LAMB1: variants seen among roughly 807,000 people sequenced by gnomAD.
LAMB1 encodes laminin subunit beta 1.
In LAMB1, 121 loss-of-function variants were observed where a neutral mutation model predicts 222.3. That is an observed-to-expected ratio of 0.54 (90% CI 0.47 to 0.63). The LOEUF (loss-of-function observed/expected upper bound fraction) is 0.63, where lower values mean the gene tolerates loss of function less well. LAMB1 is among the 30% of genes least tolerant of loss of function. The probability of loss-of-function intolerance (pLI) is 0.00; values close to 1 mark genes in which losing one functional copy is unlikely to be tolerated. For missense variants in LAMB1, 2,172 were observed against 2,240.8 expected, an observed-to-expected ratio of 0.97 and a Z score of 0.62; for synonymous variants, 794 against 807.2, an observed-to-expected ratio of 0.98 and a Z score of 0.28.
At chr7:107,982,135 C>A (rs1049976858) in intron 7 of LAMB1, among the ~76,000 whole-genome samples, 1 of 152,178 alleles carries the variant, frequency 6.6e-6, no homozygotes, top group African/African-American at 2.4e-5. Context: ...AAATGCTGGG[C>A]TACCAATTCA....
chr7:107,999,318 T>C (rs2034339009), intron 3 of LAMB1, among the ~76,000 whole-genome samples: 1 of 152,220 alleles, frequency 6.6e-6, no homozygotes, highest in African/African-American at 2.4e-5. Flanking sequence ...ACAACAGAGC[T>C]TAATAGTTCT....
chr7:107,998,732 G>A (rs1216937330), intron 3 of LAMB1, among the ~76,000 whole-genome samples: 1 of 152,014 alleles, frequency 6.6e-6, no homozygotes, highest in African/African-American at 2.4e-5. Flanking sequence ...AGTAAAAGAG[G>A]GCATTGTTTC....
Position 107,928,683 on chromosome 7 carries a change from G to T in LAMB1, c.4887+381C>A, listed in dbSNP as rs139938938. Among the ~76,000 whole-genome samples, 177 of 152,200 alleles carry T rather than the reference G, an allele frequency of 1.2e-3. No individual in the cohort carries two copies. In the East Asian group the frequency reaches 0.032, roughly 27 times the overall value. ...AACTTTTGTATCTTTAGTAGAGAAG[G>T]GGTTTTGCCATGTTGGCCACGCTGG... On this transcript the variant is annotated intron_variant, in intron 31 of 33. Transcript: ENST00000222399.
rs556203005 is a variant in LAMB1 at position 107,959,708 on chromosome 7, C to A, written c.2441G>T (p.Gly814Val). The stretch of plus-strand genomic sequence containing the variant: ...GAACCTACGTTTGCATCCACTGGGG[C>A]CAAAGCCAAAAGTTCCAGGTGCACA... ...NRCAPGTFGF[G>V]PSGCKPCECH... The change falls in exon 19 of 34, where the codon GGC becomes GTC. Residue 814 changes from glycine to valine, a missense_variant. Coordinates refer to ENST00000222399, the MANE Select transcript of LAMB1 (RefSeq NM_002291.3). 1.2e-5 allele frequency: 19 copies of A among 1,614,202 alleles called. No homozygotes were observed. The South Asian group carries it at 1.9e-4, about 16-fold the overall frequency.
chr7:107,996,587 A>G (rs1380139969), intron 4 of LAMB1, among the ~76,000 whole-genome samples: 2 of 152,214 alleles, frequency 1.3e-5, no homozygotes, highest in African/African-American at 4.8e-5. Flanking sequence ...CTTTCTAAAG[A>G]CTAAGTTCCA....
chr7:107,988,779 T>C (rs757152974), intron 5 of LAMB1, among the ~76,000 whole-genome samples: 1 of 152,174 alleles, frequency 6.6e-6, no homozygotes, highest in Non-Finnish European at 1.5e-5. Flanking sequence ...GGGAAGACCA[T>C]GTGAAGACAC....
chr7:107,954,454 G>A (rs918353983), intron 21 of LAMB1, among the ~76,000 whole-genome samples: 2 of 151,098 alleles, frequency 1.3e-5, no homozygotes, highest in African/African-American at 2.4e-5. Context: ...ACAAGCATGA[G>A]CCACCACACC....
chr7:107,937,776 A>G (rs1239287990), intron 25 of LAMB1, among the ~76,000 whole-genome samples: 1 of 152,212 alleles, frequency 6.6e-6, no homozygotes, highest in Non-Finnish European at 1.5e-5. Flanking sequence ...AGGAGCCACC[A>G]GTATCAGCTT....
intron 13 of LAMB1, among the ~76,000 whole-genome samples, chr7:107,965,879 T>C (rs145081163): frequency 6.6e-6 from 1 of 152,122 alleles, no homozygotes; most frequent in African/African-American, 2.4e-5. Flanking sequence ...GGCAGGTGGA[T>C]CACTTGCAGG....
intron 20 of LAMB1, among the ~76,000 whole-genome samples, chr7:107,956,143 C>G (rs1480331214): frequency 6.6e-6 from 1 of 151,824 alleles, no homozygotes; most frequent in African/African-American, 2.4e-5. Flanking sequence ...GTGATCCACC[C>G]ACCTCAGCCT....
At chr7:108,001,460 T>A in intron 3 of LAMB1, 98 bp downstream of exon 3, 1 of 1,335,124 alleles carries the variant, frequency 7.5e-7, no homozygotes, top group Non-Finnish European at 1.0e-6. Context: ...GCTTCCTATC[T>A]GGATTGCTGG....
chr7:107,960,391 A>G, intron 18 of LAMB1, 54 bp downstream of exon 18: 2 of 1,393,308 alleles, frequency 1.4e-6, no homozygotes, highest in Non-Finnish European at 1.0e-6. Context: ...TTCATGTGCC[A>G]GATATACTCA....
At chr7:107,935,757 TAA>T (rs2032833765) in intron 26 of LAMB1, 101 bp from the exon 27 acceptor site, 1 of 1,284,186 alleles carries the variant, frequency 7.8e-7, no homozygotes, top group Non-Finnish European at 1.1e-6. Flanking sequence ...AAATTTACTG[TAA>T]AGTTTTAAAA....
intron 25 of LAMB1, among the ~76,000 whole-genome samples, chr7:107,937,727 A>G (rs1254255676): frequency 6.6e-6 from 1 of 152,234 alleles, no homozygotes; most frequent in East Asian, 1.9e-4. Context: ...AAGATGGAAC[A>G]TGCAGAGGGG....
intron 3 of LAMB1, among the ~76,000 whole-genome samples, chr7:108,001,015 T>C (rs1190837849): frequency 6.6e-6 from 1 of 152,218 alleles, no homozygotes. Flanking sequence ...GGTCTTCCTG[T>C]ATCAGGGTAC....
chr7:107,980,591 C>A lies in LAMB1; in HGVS notation c.879+18G>T, dbSNP rs763834838. 5 of 1,596,142 alleles carry A rather than the reference C, an allele frequency of 3.1e-6. No homozygotes were observed. Among genetic ancestry groups the A allele is most frequent in the African/African-American group, 1.3e-5 (1 of 74,540 alleles). On this transcript the variant is annotated intron_variant, in intron 8 of 33. Coordinates refer to ENST00000222399, the MANE Select transcript of LAMB1 (RefSeq NM_002291.3). The stretch of plus-strand genomic sequence containing the variant: ...ACCAGCCACATAAAGGAGAAAGGTG[C>A]ACAGAGGGCTTACTTACCATTCCTT...
rs764125109 is a variant in LAMB1, at chr7:107,975,648, T to A, written c.1189+41A>T. On this transcript the variant is annotated intron_variant, in intron 10 of 33. Coordinates refer to ENST00000222399, the MANE Select transcript of LAMB1 (RefSeq NM_002291.3). Reference sequence around the variant, plus strand: ...TGACTATTCAGTTTGGAAGGCAATCTGAAGTAGGTCCCACACAGTGAGTGA... The same window carrying A: ...TGACTATTCAGTTTGGAAGGCAATCAGAAGTAGGTCCCACACAGTGAGTGA... 3.9e-6 allele frequency: 6 copies of A among 1,556,862 alleles called. No homozygotes were observed. The East Asian group carries it at 1.4e-4, about 35-fold the overall frequency.
In LAMB1 at chr7:107,961,279, G is replaced by C; in HGVS notation, c.2036C>G (p.Thr679Arg). Residue 679 changes from threonine to arginine, a missense_variant, in exon 17 of 34, where the codon ACG becomes AGG. Coordinates refer to ENST00000222399, the MANE Select transcript of LAMB1 (RefSeq NM_002291.3). ...GTACTGAGGCAGCTCCAACCTCACC[G>C]TGTAGTTTGTTCCCTTCTCAAAGCA... The part of the protein sequence containing the change: ...PVCFEKGTNY[T>R]VRLELPQYTS... The C allele has an allele frequency of 6.2e-7, 1 of 1,614,060 alleles. No individual in the cohort carries two copies. The highest frequency in any genetic ancestry group is 8.5e-7 in the Non-Finnish European group (1 of 1,179,974).
intron 27 of LAMB1, chr7:107,932,592 C>T (rs1364787989): frequency 1.7e-6 from 1 of 592,942 alleles, no homozygotes; most frequent in South Asian, 2.0e-5. Flanking sequence ...AAGTTTACAA[C>T]TCATCAATAT....
Sources: gnomAD v4.1 joint callset for allele counts (sites outside exome capture counted in the v4.1 genomes callset) on GRCh38, gnomAD v4.1.1 for gene constraint, MANE v1.5 for transcripts, NCBI Gene and HGNC (gene_info 2026-07-23, HGNC 2026-07-21) for gene names.